Variants in CENPQ observed in about 807,000 individuals in gnomAD.
The protein encoded by CENPQ is chromosome 6 open reading frame 139.
CENPQ carries 27 observed loss-of-function variants against 36.6 expected under a neutral mutation model. The observed-to-expected ratio is 0.74, with a 90% CI of 0.54 to 1.02. CENPQ has a LOEUF of 1.02. Among genes scored for constraint, CENPQ ranks in the 50% least tolerant of loss-of-function variants. The pLI is 0.00. For synonymous variants in CENPQ, 101 were observed against 101.7 expected (o/e 0.99, Z 0.04); for missense variants, 306 against 301.8 (o/e 1.01, Z -0.10).
chr6:49,470,335 G>A, intron 2 of CENPQ, 57 bp downstream of exon 2: 1 of 1,091,060 alleles, frequency 9.2e-7, no homozygotes, highest in South Asian at 1.4e-5. Flanking sequence ...CAAGCACTAT[G>A]GCTCATGCCT....
At chr6:49,482,642 AATGGTCTCACTGCTCGGCGATTGGCG>A (rs1364291329) in intron 6 of CENPQ, among the ~76,000 whole-genome samples, 6 of 134,458 alleles carry the variant, frequency 4.5e-5, no homozygotes, top group Non-Finnish European at 6.4e-5. Flanking sequence ...AGTGATAGGC[AATGGTCTCACTGCTCGGCGATTGGCG>A]ATGGTCTCAC....
At chr6:49,469,570 A>C (rs1423513700) in intron 1 of CENPQ, among the ~76,000 whole-genome samples, 1 of 152,198 alleles carries the variant, frequency 6.6e-6, no homozygotes. Context: ...CAGGGTATTC[A>C]GTACATTTCT....
At chr6:49,470,606 G>A (rs1768107057) in intron 2 of CENPQ, among the ~76,000 whole-genome samples, 2 of 116,332 alleles carry the variant, frequency 1.7e-5, no homozygotes, top group African/African-American at 6.5e-5. Context: ...TGGGCAAAAA[G>A]AGTGAGACTC....
At chr6:49,472,883 G>C in intron 5 of CENPQ, 25 bp downstream of exon 5, 1 of 1,330,598 alleles carries the variant, frequency 7.5e-7, no homozygotes, top group Non-Finnish European at 1.0e-6. Flanking sequence ...TAATTAAAAT[G>C]ATTAAAACAT....
chr6:49,464,300 A>G (rs1412482700), intron 1 of CENPQ, among the ~76,000 whole-genome samples: 2 of 152,146 alleles, frequency 1.3e-5, no homozygotes, highest in Non-Finnish European at 2.9e-5. Flanking sequence ...ATTTTAAAAT[A>G]TTTTATTGCT....
In CENPQ at chr6:49,488,468, A is replaced by G. The variant is rs1430060198; in HGVS notation, c.594A>G (p.Lys198=). ...SEVEEEEERV[K]QMHQINSSGV... is the part of the protein sequence containing the mutation. ...TGGAAGAAGAAGAGGAGAGAGTAAA[A>G]CAGGTAATTATTTTAAACTGTATTA... Residue 198 remains lysine (K), a synonymous_variant, in exon 7 of 9, where the codon AAA becomes AAG. Coordinates refer to ENST00000335783, the MANE Select transcript of CENPQ (RefSeq NM_018132.4). 2.5e-6 allele frequency: 4 copies of G among 1,611,486 alleles called. No homozygotes were observed. Among genetic ancestry groups the G allele is most frequent in the Non-Finnish European group, 3.4e-6 (4 of 1,178,788 alleles).
intron 1 of CENPQ, among the ~76,000 whole-genome samples, chr6:49,468,877 T>A: frequency 6.6e-6 from 1 of 151,200 alleles, no homozygotes; most frequent in East Asian, 1.9e-4. Flanking sequence ...TGTCAGCCCT[T>A]CCAGGAGAGA....
intron 1 of CENPQ, 85 bp from the exon 2 acceptor site, chr6:49,470,074 G>A: frequency 3.4e-6 from 2 of 594,406 alleles, no homozygotes; most frequent in South Asian, 2.2e-5. Context: ...ACATTTACAG[G>A]ATAGTTTTTT....
At chr6:49,482,913 G>T (rs1177181798) in intron 6 of CENPQ, among the ~76,000 whole-genome samples, 3 of 152,160 alleles carry the variant, frequency 2.0e-5, no homozygotes, top group Admixed American at 1.3e-4. Context: ...GAGTGTTACA[G>T]CTCATAAAGG....
chr6:49,477,723 A>AGG (rs1338841958), intron 5 of CENPQ, among the ~76,000 whole-genome samples: 1 of 152,156 alleles, frequency 6.6e-6, no homozygotes, highest in African/African-American at 2.4e-5. Flanking sequence ...AGAGTGAATC[A>AGG]GATGGGTTGG....
intron 8 of CENPQ, among the ~76,000 whole-genome samples, chr6:49,491,137 A>G (rs575187412): frequency 6.6e-6 from 1 of 152,364 alleles, no homozygotes; most frequent in East Asian, 1.9e-4. Context: ...CTGGTATATC[A>G]TAGACCAATT....
intron 5 of CENPQ, among the ~76,000 whole-genome samples, chr6:49,474,368 C>G (rs1396209285): frequency 6.6e-6 from 1 of 152,090 alleles, no homozygotes; most frequent in South Asian, 2.1e-4. Flanking sequence ...GAAACTCACT[C>G]AAAACCACTC....
chr6:49,475,737 A>G lies in CENPQ; in HGVS notation c.347+2879A>G, dbSNP rs555585039. 2.2e-3 allele frequency among the ~76,000 whole-genome samples: 336 copies of G among 152,320 alleles called. 3 individuals are homozygous for G. Among genetic ancestry groups the G allele is most frequent in the African/African-American group, 7.8e-3 (325 of 41,570 alleles). On this transcript the variant is annotated intron_variant, in intron 5 of 8. Transcript: ENST00000335783. ...CAACTTCAGCAAAATCTCAGGATACAAAATCAATGTGCAAAAATCACAAGC... is the reference window on the plus strand; with the variant it reads ...CAACTTCAGCAAAATCTCAGGATACGAAATCAATGTGCAAAAATCACAAGC...
chr6:49,468,331 G>A (rs1581842843), intron 1 of CENPQ, among the ~76,000 whole-genome samples: 1 of 151,976 alleles, frequency 6.6e-6, no homozygotes, highest in Admixed American at 6.6e-5. Flanking sequence ...AGTGGCTCAC[G>A]CCTGTAATCT....
intron 4 of CENPQ, among the ~76,000 whole-genome samples, chr6:49,472,582 A>G (rs1337218759): frequency 3.3e-5 from 5 of 152,166 alleles, no homozygotes; most frequent in African/African-American, 1.2e-4. Context: ...CATGTAACTT[A>G]TTACAATACA....
At chr6:49,486,128 T>A (rs1768573490) in intron 6 of CENPQ, among the ~76,000 whole-genome samples, 1 of 152,008 alleles carries the variant, frequency 6.6e-6, no homozygotes, top group African/African-American at 2.4e-5. Context: ...ATAGAAGGCA[T>A]AAATAAAAAG....
intron 6 of CENPQ, among the ~76,000 whole-genome samples, chr6:49,485,776 A>G (rs540045441): frequency 5.3e-4 from 81 of 152,180 alleles, no homozygotes; most frequent in Middle Eastern, 3.4e-3. Context: ...TTTCAGAATC[A>G]TAAAAACATT....
chr6:49,483,399 C>T (rs1203880929), intron 6 of CENPQ, among the ~76,000 whole-genome samples: 1 of 152,194 alleles, frequency 6.6e-6, no homozygotes, highest in African/African-American at 2.4e-5. Context: ...GAGCTGCCTG[C>T]CAGTCCTGTG....
intron 6 of CENPQ, 22 bp downstream of exon 6, chr6:49,481,102 T>G (rs1768417647): frequency 6.4e-7 from 1 of 1,573,212 alleles, no homozygotes; most frequent in Non-Finnish European, 8.6e-7. Flanking sequence ...GAATAGGGAA[T>G]CCATAATTAG....
Sources: gnomAD v4.1 joint callset for allele counts (sites outside exome capture counted in the v4.1 genomes callset) on GRCh38, gnomAD v4.1.1 for gene constraint, MANE v1.5 for transcripts, NCBI Gene and HGNC (gene_info 2026-07-23, HGNC 2026-07-21) for gene names.